Variants in LMOD3 observed in about 807,000 individuals in gnomAD.
LMOD3 encodes leiomodin 3.
LMOD3 carries 31 observed loss-of-function variants against 41.8 expected under a neutral mutation model. The ratio of observed to expected loss-of-function variants is 0.74; its 90% CI spans 0.56 to 1.00. The LOEUF is 1.00. LMOD3 is among the 50% of genes least tolerant of loss of function. The pLI is 0.00. For missense variants in LMOD3, 755 were observed against 679.5 expected (o/e 1.11, Z -1.23); for synonymous variants, 292 against 241.9 (o/e 1.21, Z -1.92).
In LMOD3 at chr3:69,107,023, A is replaced by T. The variant is rs183582961; in HGVS notation, c.*2072T>A. ...GCACCGGCCTAGAATTTCAACTACT[A>T]ATTTACATTAAGCTTTTAATTATGT... On this transcript the variant is annotated 3_prime_UTR_variant, in exon 3 of 3. Transcript: ENST00000420581. 1 of 151,730 alleles carries T rather than the reference A, an allele frequency of 6.6e-6. No homozygotes were observed. Among genetic ancestry groups the T allele is most frequent in the African/African-American group, 2.4e-5 (1 of 41,322 alleles). 9.4% of individuals were successfully genotyped at this position (151,730 alleles called of 1,614,324 possible).
rs2092399887 is a variant in LMOD3, at chr3:69,119,994, C to A, written c.361G>T (p.Glu121Ter). 6.2e-7 allele frequency: 1 copy of A among 1,606,240 alleles called. No individual in the cohort carries two copies. Residue 121 changes from glutamate (E) to a stop codon, truncating the protein, a stop_gained, in exon 2 of 3, where the codon GAA becomes TAA. Coordinates refer to ENST00000420581, the MANE Select transcript of LMOD3 (RefSeq NM_198271.5). LOFTEE classifies it high-confidence loss of function. The part of the protein sequence containing the change: ...RNKNMAQYLK[E>*]KLNNEIVANK... ...GCAACTATTTCATTATTGAGCTTTT[C>A]TTTTAAATACTGGGCCATATTTTTA...
chr3:69,121,947 G>T, intron 1 of LMOD3, 146 bp downstream of exon 1: 1 of 617,148 alleles, frequency 1.6e-6, no homozygotes, highest in Non-Finnish European at 2.8e-6. Context: ...AGTCGGAGTA[G>T]GATTAAATAT....
rs2107518691 is a variant in LMOD3, at chr3:69,107,748, AT to A, written c.*1346del. 6.6e-6 allele frequency: 1 copy of A among 152,118 alleles called. No homozygotes were observed. The highest frequency in any genetic ancestry group is 2.1e-4 in the South Asian group (1 of 4,818). The allele number at this position is 152,118 out of a possible 1,614,324, so 9.4% of individuals were successfully genotyped here. ...CTCCCTGGCCTCCCATAGTGCTGGG[AT>A]TACAGGCATGAGCCACCGCACCTGG... On this transcript the variant is annotated 3_prime_UTR_variant, in exon 3 of 3. Transcript: ENST00000420581.
intron 2 of LMOD3, among the ~76,000 whole-genome samples, chr3:69,109,972 C>A (rs1034511648): frequency 6.6e-6 from 1 of 152,104 alleles, no homozygotes; most frequent in Admixed American, 6.5e-5. Flanking sequence ...GATTTCAGTG[C>A]TCATTATTAT....
intron 2 of LMOD3, among the ~76,000 whole-genome samples, chr3:69,111,801 ATTTAC>A (rs759007185): frequency 6.6e-6 from 1 of 152,210 alleles, no homozygotes; most frequent in Non-Finnish European, 1.5e-5. Context: ...CCAGACACAT[ATTTAC>A]TTTAAAGTAT....
chr3:69,110,853 A>AAAAAAAAAAAAAAAAATATATATAT (rs1458630453), intron 2 of LMOD3, among the ~76,000 whole-genome samples: 2 of 104,122 alleles, frequency 1.9e-5, no homozygotes, highest in Admixed American at 9.5e-5. Context: ...AAAAAAAAAA[A>AAAAAAAAAAAAAAAAATATATATAT]ATATATATAT....
intron 2 of LMOD3, among the ~76,000 whole-genome samples, chr3:69,116,863 T>C (rs531816685): frequency 1.3e-5 from 2 of 152,314 alleles, no homozygotes; most frequent in African/African-American, 4.8e-5. Flanking sequence ...AGGGAGTTGG[T>C]TCAGATGCTC....
Position 69,108,988 on chromosome 3 carries a change from A to C in LMOD3, c.*107T>G. On this transcript the variant is annotated 3_prime_UTR_variant, in exon 3 of 3. Coordinates refer to ENST00000420581, the MANE Select transcript of LMOD3 (RefSeq NM_198271.5). Reference sequence around the variant, plus strand: ...CTTATCAGATGGTAGCATTGTTTCCAGTTCTGCCACGTGGATCCTAAAGTA... The same window carrying C: ...CTTATCAGATGGTAGCATTGTTTCCCGTTCTGCCACGTGGATCCTAAAGTA... 1 of 992,898 alleles carries C rather than the reference A, an allele frequency of 1.0e-6. No individual in the cohort carries two copies. The highest frequency in any genetic ancestry group is 1.5e-6 in the Non-Finnish European group (1 of 656,526). 61.5% of individuals were successfully genotyped at this position (992,898 alleles called of 1,614,324 possible).
rs2092324665 is a variant in LMOD3, at chr3:69,106,835, AGCTACCATGCCTG to A, written c.*2247_*2259del. On this transcript the variant is annotated 3_prime_UTR_variant, in exon 3 of 3. Coordinates refer to ENST00000420581, the MANE Select transcript of LMOD3 (RefSeq NM_198271.5). Reference sequence around the variant, plus strand: ...CCAAGTAGCTGGGATTACAGGCATGAGCTACCATGCCTGGCTAATTTTGTATTTTTTTTTTTTT... The same window carrying A: ...CCAAGTAGCTGGGATTACAGGCATGAGCTAATTTTGTATTTTTTTTTTTTT... 1 of 142,418 alleles carries A rather than the reference AGCTACCATGCCTG, an allele frequency of 7.0e-6. No homozygotes were observed. Among genetic ancestry groups the A allele is most frequent in the African/African-American group, 2.6e-5 (1 of 38,028 alleles). The allele number at this position is 142,418 out of a possible 1,614,324, so 8.8% of individuals were successfully genotyped here.
intron 2 of LMOD3, 60 bp downstream of exon 2, chr3:69,118,639 A>C: frequency 6.6e-7 from 1 of 1,518,912 alleles, no homozygotes; most frequent in Non-Finnish European, 8.9e-7. Flanking sequence ...GAGGGAATAA[A>C]GTTGGGATGC....
intron 2 of LMOD3, among the ~76,000 whole-genome samples, chr3:69,110,803 A>G (rs2092345650): frequency 7.2e-6 from 1 of 139,804 alleles, no homozygotes; most frequent in Non-Finnish European, 1.5e-5. Flanking sequence ...GGATCCCACC[A>G]CTGCACTCCA....
At chr3:69,112,329 G>C (rs1260605016) in intron 2 of LMOD3, among the ~76,000 whole-genome samples, 1 of 152,206 alleles carries the variant, frequency 6.6e-6, no homozygotes, top group Non-Finnish European at 1.5e-5. Context: ...CCTGTATTAA[G>C]TTCCTGCTCT....
intron 2 of LMOD3, among the ~76,000 whole-genome samples, chr3:69,117,833 GTTTTTT>G (rs374336943): frequency 7.6e-6 from 1 of 132,160 alleles, no homozygotes. Flanking sequence ...AATTTGGGTG[GTTTTTT>G]TTTTTTTTTT....
In LMOD3 at chr3:69,118,771, T is replaced by C. The variant is rs941000557; in HGVS notation, c.1584A>G (p.Pro528=). The C allele has an allele frequency of 3.7e-6, 6 of 1,611,534 alleles. No homozygotes were observed. The highest frequency in any genetic ancestry group is 4.2e-6 in the Non-Finnish European group (5 of 1,179,354). The part of the protein sequence containing the change: ...LKPVPRNRPP[P]LVEITPRDQL... ...GATCTCTGGGAGTGATTTCCACCAA[T>C]GGGGGTGGCCTGTTTCTCGGCACTG... The change falls in exon 2 of 3, where the codon CCA becomes CCG. Residue 528 remains proline, a synonymous_variant. Coordinates refer to ENST00000420581, the MANE Select transcript of LMOD3 (RefSeq NM_198271.5).
intron 2 of LMOD3, among the ~76,000 whole-genome samples, chr3:69,113,655 T>C (rs2107522767): frequency 6.6e-6 from 1 of 152,334 alleles, no homozygotes; most frequent in East Asian, 1.9e-4. Context: ...TATACATGAG[T>C]AAGCCTGAAG....
chr3:69,112,687 T>C (rs760572438), intron 2 of LMOD3, among the ~76,000 whole-genome samples: 6 of 152,184 alleles, frequency 3.9e-5, no homozygotes, highest in Admixed American at 1.3e-4. Context: ...TGGTTTACCA[T>C]AGATGTCACC....
At chr3:69,115,861 G>A (rs1174984280) in intron 2 of LMOD3, among the ~76,000 whole-genome samples, 1 of 152,154 alleles carries the variant, frequency 6.6e-6, no homozygotes, top group African/African-American at 2.4e-5. Flanking sequence ...AATCGATGGT[G>A]TTTTACAATA....
At position 69,107,436 on chromosome 3, in the gene LMOD3, G is replaced by C. The variant is rs2092327566; in HGVS notation, c.*1659C>G. ...CAATTATTTACTCAGGTAAAGAAGA[G>C]AGAAAAGGCACCAAAGGTTTTTTTT... On this transcript the variant is annotated 3_prime_UTR_variant, in exon 3 of 3. Transcript: ENST00000420581. 8.4e-6 allele frequency: 1 copy of C among 118,398 alleles called. No homozygotes were observed. The allele number at this position is 118,398 out of a possible 1,614,324, so 7.3% of individuals were successfully genotyped here.
chr3:69,117,498 C>T (rs2092380516), intron 2 of LMOD3, among the ~76,000 whole-genome samples: 1 of 152,170 alleles, frequency 6.6e-6, no homozygotes, highest in Non-Finnish European at 1.5e-5. Context: ...AGTTAATTAT[C>T]AATCACCTGC....
Sources: allele counts gnomAD v4.1 joint callset (sites outside exome capture counted in the v4.1 genomes callset), GRCh38; gene constraint gnomAD v4.1.1; transcripts MANE v1.5; gene names NCBI Gene and HGNC (gene_info 2026-07-23, HGNC 2026-07-21).